FRAS1: variants seen among roughly 807,000 people sequenced by gnomAD.
FRAS1 encodes the protein extracellular matrix organizing protein FRAS1.
Under a neutral mutation model 435.2 loss-of-function variants are expected in FRAS1, and 290 were observed. The ratio of observed to expected loss-of-function variants is 0.67; its 90% confidence interval spans 0.61 to 0.73. The LOEUF is 0.73. Ranked by LOEUF, FRAS1 falls within the 30% of genes least tolerant of loss-of-function variation. FRAS1 has a pLI of 0.00. For missense variants in FRAS1, 4,860 were observed against 5,001.5 expected (o/e 0.97, Z 0.85); for synonymous variants, 1,800 against 1,851.0 (o/e 0.97, Z 0.71).
chr4:78,264,904 G>A (rs1235557477), intron 6 of FRAS1, 121 bp from the exon 7 acceptor site: 3 of 708,070 alleles, frequency 4.2e-6, no homozygotes, highest in Non-Finnish European at 7.7e-6. Flanking sequence ...TTAAATGAGA[G>A]GCAAGTGCTG....
intron 15 of FRAS1, among the ~76,000 whole-genome samples, chr4:78,311,821 C>G (rs980215649): frequency 3.5e-4 from 53 of 152,136 alleles, no homozygotes; most frequent in Admixed American, 3.4e-3. Context: ...TTGAGTATAT[C>G]TTCAACTCCT....
intron 3 of FRAS1, among the ~76,000 whole-genome samples, chr4:78,240,812 G>A (rs771946415): frequency 1.3e-5 from 2 of 152,198 alleles, no homozygotes; most frequent in Non-Finnish European, 2.9e-5. Flanking sequence ...GTGAGCATAA[G>A]AGAAAGTGCT....
chr4:78,361,589 A>G (rs1226686905), intron 20 of FRAS1, among the ~76,000 whole-genome samples: 1 of 152,178 alleles, frequency 6.6e-6, no homozygotes, highest in Non-Finnish European at 1.5e-5. Flanking sequence ...CTGGACATGA[A>G]AGGGAGATCT....
At chr4:78,110,365 A>G (rs1742638909) in intron 2 of FRAS1, among the ~76,000 whole-genome samples, 1 of 128,506 alleles carries the variant, frequency 7.8e-6, no homozygotes, top group Non-Finnish European at 1.6e-5. Flanking sequence ...ACAAGGCTAC[A>G]GTAACCAAAA....
rs193245098 is a variant in FRAS1, at chr4:78,308,138, A to G, written c.1607A>G (p.His536Arg). The part of the protein sequence containing the change: ...KHCLACRDPL[H>R]VLRDGGCESS... ...TGCTTGGCCTGCAGAGATCCCCTCCACGTGCTGAGAGATGGCGGCTGTGAG... is the reference window on the plus strand; with the variant it reads ...TGCTTGGCCTGCAGAGATCCCCTCCGCGTGCTGAGAGATGGCGGCTGTGAG... Residue 536 changes from histidine (H) to arginine (R), a missense_variant, in exon 15 of 74, where the codon CAC (histidine) becomes CGC (arginine). By Grantham distance (29) the His-to-Arg change is conservative. Coordinates refer to ENST00000512123, the MANE Select transcript of FRAS1 (RefSeq NM_025074.7). 150 of 1,613,862 alleles carry G rather than the reference A, an allele frequency of 9.3e-5. No homozygotes were observed. In the African/African-American group the frequency reaches 1.7e-3, roughly 18 times the overall value.
intron 2 of FRAS1, among the ~76,000 whole-genome samples, chr4:78,172,897 A>G (rs371354353): frequency 2.3e-4 from 35 of 151,984 alleles, no homozygotes; most frequent in African/African-American, 7.9e-4. Flanking sequence ...TCAAAGTCTT[A>G]TTATTTTGGA....
rs532738580 is a variant in FRAS1 at position 78,418,978 on chromosome 4, G to T, written c.4455G>T (p.Gln1485His). 9.5e-5 allele frequency: 153 copies of T among 1,604,860 alleles called. No individual in the cohort carries two copies. The highest frequency in any genetic ancestry group is 1.3e-4 in the Non-Finnish European group (148 of 1,176,000). Residue 1485 changes from glutamine to histidine, a missense_variant, in exon 33 of 74, where the codon CAG becomes CAT. Coordinates refer to ENST00000512123, the MANE Select transcript of FRAS1 (RefSeq NM_025074.7). Reference sequence around the variant, plus strand: ...GAGAAGATGGCCTGACTGTTATTCAGCCTCATTCCCTCTCCTTCATAAACT... The same window carrying T: ...GAGAAGATGGCCTGACTGTTATTCATCCTCATTCCCTCTCCTTCATAAACT... Reference protein sequence around the residue: ...TAREDGLTVIQPHSLSFINSE... With the variant: ...TAREDGLTVIHPHSLSFINSE...
intron 5 of FRAS1, 144 bp from the exon 6 acceptor site, chr4:78,255,098 C>T: frequency 1.3e-6 from 1 of 775,842 alleles, no homozygotes; most frequent in Non-Finnish European, 2.2e-6. Context: ...AAGGTAGTGA[C>T]TGCAGAGCAT....
chr4:78,361,040 A>G (rs1002898509), intron 20 of FRAS1, among the ~76,000 whole-genome samples: 5 of 152,250 alleles, frequency 3.3e-5, no homozygotes, highest in Non-Finnish European at 7.3e-5. Context: ...TGCTTTAAAG[A>G]GGATAGGCCA....
Position 78,308,188 on chromosome 4 carries a change from A to G in FRAS1, c.1657A>G (p.Asn553Asp). ...GAGCAGCTGTGGAAAAGGCTTCTAC[A>G]ACAGGCAGGGCACCTGTAGCGGTGA... ...CESSCGKGFY[N>D]RQGTCSACDQ... The change falls in exon 15 of 74, where the codon AAC becomes GAC. Residue 553 changes from asparagine to aspartate, a missense_variant. Asn to Asp is a conservative substitution (Grantham distance 23). Transcript: ENST00000512123. 6.2e-7 allele frequency: 1 copy of G among 1,613,940 alleles called. No individual in the cohort carries two copies. Among genetic ancestry groups the G allele is most frequent in the Non-Finnish European group, 8.5e-7 (1 of 1,179,874 alleles).
chr4:78,149,975 A>T (rs1720575688), intron 2 of FRAS1, among the ~76,000 whole-genome samples: 1 of 152,202 alleles, frequency 6.6e-6, no homozygotes, highest in Non-Finnish European at 1.5e-5. Context: ...GAGCGTGGAC[A>T]AGTGAGTGGG....
intron 1 of FRAS1, among the ~76,000 whole-genome samples, chr4:78,059,329 A>G (rs1349953197): frequency 6.6e-6 from 1 of 152,058 alleles, no homozygotes; most frequent in Admixed American, 6.5e-5. Context: ...ATCCACGCAC[A>G]AGGGTGGGGG....
At chr4:78,060,398 T>G (rs1739703558) in intron 1 of FRAS1, among the ~76,000 whole-genome samples, 1 of 152,250 alleles carries the variant, frequency 6.6e-6, no homozygotes. Flanking sequence ...GGGATGTACC[T>G]TGTGACACCT....
intron 4 of FRAS1, among the ~76,000 whole-genome samples, chr4:78,247,334 T>C (rs1725289748): frequency 6.6e-6 from 1 of 152,206 alleles, no homozygotes; most frequent in African/African-American, 2.4e-5. Flanking sequence ...CTGAAAATGT[T>C]ATATTTCTGG....
intron 2 of FRAS1, among the ~76,000 whole-genome samples, chr4:78,136,194 G>A (rs188784638): frequency 1.3e-5 from 2 of 152,264 alleles, no homozygotes; most frequent in Admixed American, 1.3e-4. Context: ...TAAGAGTGAA[G>A]TCACACAAAA....
chr4:78,082,123 A>T (rs1740924075), intron 2 of FRAS1, among the ~76,000 whole-genome samples: 1 of 152,170 alleles, frequency 6.6e-6, no homozygotes, highest in Non-Finnish European at 1.5e-5. Flanking sequence ...ACACTTTAGG[A>T]TAGAACTATG....
chr4:78,181,533 G>A, intron 2 of FRAS1: 4 of 1,611,478 alleles, frequency 2.5e-6, no homozygotes, highest in Non-Finnish European at 3.4e-6. Context: ...CGGCCCCCTC[G>A]ACCTCTTCCA....
At chr4:78,231,143 G>A (rs1445332268) in intron 2 of FRAS1, among the ~76,000 whole-genome samples, 5 of 151,878 alleles carry the variant, frequency 3.3e-5, no homozygotes, top group Non-Finnish European at 5.9e-5. Context: ...TTTTAGTAGC[G>A]ATGGGGCTTC....
chr4:78,398,937 C>T (rs75874556), intron 29 of FRAS1, among the ~76,000 whole-genome samples: 5 of 151,994 alleles, frequency 3.3e-5, no homozygotes, highest in Non-Finnish European at 7.4e-5. Flanking sequence ...GAGCCAAGTT[C>T]GTGCAATTGC....
Sources: gnomAD v4.1 joint callset for allele counts (sites outside exome capture counted in the v4.1 genomes callset) on GRCh38, gnomAD v4.1.1 for gene constraint, MANE v1.5 for transcripts, NCBI Gene and HGNC (gene_info 2026-07-23, HGNC 2026-07-21) for gene names.